EXT1: variants seen among roughly 807,000 people sequenced by gnomAD.
The protein encoded by EXT1 is exostosin-1.
In EXT1, 20 loss-of-function variants were observed where a neutral mutation model predicts 82.5. The observed-to-expected ratio is 0.24, with a 90% confidence interval of 0.17 to 0.35. The LOEUF is 0.35. Ranked by LOEUF, EXT1 falls within the 10% of genes least tolerant of loss-of-function variation. The probability of loss-of-function intolerance (pLI) is 1.00; values close to 1 mark genes in which losing one functional copy is unlikely to be tolerated. For synonymous variants in EXT1, 348 were observed against 350.8 expected, an observed-to-expected ratio of 0.99 and a Z score of 0.09; for missense variants, 757 against 936.5, an observed-to-expected ratio of 0.81 and a Z score of 2.50.
chr8:117,969,339 G>A (rs1814892594), intron 1 of EXT1, among the ~76,000 whole-genome samples: 1 of 152,108 alleles, frequency 6.6e-6, no homozygotes, highest in Admixed American at 6.5e-5. Flanking sequence ...AGTTTTCCAG[G>A]GCAATCTCTT....
chr8:117,848,564 T>C (rs1812403168), intron 1 of EXT1, among the ~76,000 whole-genome samples: 1 of 152,146 alleles, frequency 6.6e-6, no homozygotes, highest in Admixed American at 6.5e-5. Context: ...GATGCCTTCA[T>C]GCCCTGATAT....
chr8:117,838,783 C>A (rs188615721), intron 1 of EXT1, among the ~76,000 whole-genome samples: 25 of 152,186 alleles, frequency 1.6e-4, no homozygotes, highest in African/African-American at 5.8e-4. Context: ...TATGCACACA[C>A]ACACACACTC....
intron 1 of EXT1, among the ~76,000 whole-genome samples, chr8:118,076,542 C>A (rs944977737): frequency 6.6e-6 from 1 of 152,224 alleles, no homozygotes; most frequent in African/African-American, 2.4e-5. Context: ...TCCTCAAAGG[C>A]CTTGAAGGCC....
intron 1 of EXT1, among the ~76,000 whole-genome samples, chr8:117,908,513 C>T (rs1286669586): frequency 6.6e-6 from 1 of 151,710 alleles, no homozygotes; most frequent in Non-Finnish European, 1.5e-5. Context: ...GCCTGTAGTC[C>T]CAGCTACTCA....
In EXT1 at chr8:117,799,720, G is replaced by A. The variant is rs756691505; in HGVS notation, c.2233C>T (p.Arg745Ter). The A allele has an allele frequency of 1.2e-6, 2 of 1,613,910 alleles. No individual in the cohort carries two copies. Among genetic ancestry groups the A allele is most frequent in the Non-Finnish European group, 1.7e-6 (2 of 1,179,986 alleles). The change falls in exon 11 of 11, where the codon CGA becomes TGA. Residue 745 changes from arginine (R) to a stop codon, truncating the protein, a stop_gained. Transcript: ENST00000378204. LOFTEE classifies it high-confidence loss of function. ...ILRKKYRDIE[R>*]L ...CCACTCAGCCGGATTCCTCAAAGTC[G>A]CTCAATGTCTCGGTATTTCTTCCTC...
intron 1 of EXT1, among the ~76,000 whole-genome samples, chr8:118,028,119 C>G (rs1424874475): frequency 6.6e-6 from 1 of 152,076 alleles, no homozygotes; most frequent in African/African-American, 2.4e-5. Context: ...CCCTAAAGGC[C>G]CTTGTGTTGA....
chr8:117,992,789 A>G (rs893321525), intron 1 of EXT1, among the ~76,000 whole-genome samples: 2 of 152,220 alleles, frequency 1.3e-5, no homozygotes, highest in Non-Finnish European at 2.9e-5. Context: ...AGGTGGCTGG[A>G]AGAACCTTCC....
intron 1 of EXT1, among the ~76,000 whole-genome samples, chr8:117,984,096 A>G (rs1006420177): frequency 2.6e-5 from 4 of 152,224 alleles, no homozygotes; most frequent in African/African-American, 9.6e-5. Flanking sequence ...GGAAAGACAA[A>G]TGACAACCCA....
chr8:117,880,319 G>C (rs1813038221), intron 1 of EXT1, among the ~76,000 whole-genome samples: 2 of 152,136 alleles, frequency 1.3e-5, no homozygotes, highest in African/African-American at 4.8e-5. Context: ...AATTCACCAG[G>C]TTTATGAACT....
intron 1 of EXT1, among the ~76,000 whole-genome samples, chr8:117,881,146 G>A (rs886479163): frequency 6.6e-6 from 1 of 152,064 alleles, no homozygotes; most frequent in Non-Finnish European, 1.5e-5. Flanking sequence ...TTCATGCATT[G>A]CCTGTTTTCA....
chr8:118,098,084 T>C lies in EXT1; in HGVS notation c.962+12001A>G, dbSNP rs17506343. On this transcript the variant is annotated intron_variant, in intron 1 of 10. Transcript: ENST00000378204. ...GAAGGCAGGCAGAGCTTGCCTGCCT[T>C]AGTAACATGTGAATTAACTATGAGA... is the stretch of plus-strand genomic sequence containing the variant. Among the ~76,000 whole-genome samples, 992 of 152,040 alleles carry C rather than the reference T, an allele frequency of 6.5e-3. 11 individuals are homozygous for C. The highest frequency in any genetic ancestry group is 0.023 in the African/African-American group (944 of 41,452).
chr8:118,033,367 A>T (rs574888849), intron 1 of EXT1, among the ~76,000 whole-genome samples: 2 of 152,304 alleles, frequency 1.3e-5, no homozygotes, highest in East Asian at 1.9e-4. Flanking sequence ...AAATGTACAT[A>T]CTGTGTTCAG....
intron 4 of EXT1, among the ~76,000 whole-genome samples, chr8:117,829,791 G>A (rs1812068143): frequency 6.6e-6 from 1 of 151,820 alleles, no homozygotes; most frequent in Admixed American, 6.6e-5. Context: ...GCCAGGTCTT[G>A]AACTCCTGAA....
intron 1 of EXT1, among the ~76,000 whole-genome samples, chr8:117,975,682 C>T (rs113907101): frequency 1.4e-4 from 22 of 152,226 alleles, no homozygotes; most frequent in Non-Finnish European, 2.8e-4. Context: ...CATTTTCTGC[C>T]CCCACCACCA....
intron 1 of EXT1, among the ~76,000 whole-genome samples, chr8:117,874,586 A>AAAAAAAAAAAAAAAAAC (rs1812934342): frequency 6.6e-6 from 1 of 150,840 alleles, no homozygotes; most frequent in African/African-American, 2.4e-5. Context: ...AAAAAAAAAA[A>AAAAAAAAAAAAAAAAAC]AAAAAAAGAA....
chr8:117,861,279 A>T (rs1178225958), intron 1 of EXT1, among the ~76,000 whole-genome samples: 1 of 152,204 alleles, frequency 6.6e-6, no homozygotes, highest in Admixed American at 6.5e-5. Flanking sequence ...AATTTACACA[A>T]GGCATTCAGA....
intron 1 of EXT1, among the ~76,000 whole-genome samples, chr8:118,074,115 G>A (rs1020678249): frequency 6.6e-5 from 10 of 151,392 alleles, no homozygotes; most frequent in African/African-American, 1.2e-4. Flanking sequence ...GGTGAGGTAT[G>A]ACAGAAATGG....
At chr8:117,986,182 C>CTTTTA (rs1815312491) in intron 1 of EXT1, among the ~76,000 whole-genome samples, 2 of 59,680 alleles carry the variant, frequency 3.4e-5, no homozygotes, top group East Asian at 3.6e-4. Context: ...CTTAACTATT[C>CTTTTA]TTTTCTTTTT....
intron 1 of EXT1, among the ~76,000 whole-genome samples, chr8:118,102,863 AG>A (rs1817745578): frequency 6.6e-6 from 1 of 152,150 alleles, no homozygotes; most frequent in African/African-American, 2.4e-5. Context: ...TTTCTTTGAA[AG>A]ACAAGGTCGG....
Sources: gnomAD v4.1 joint callset for allele counts (sites outside exome capture counted in the v4.1 genomes callset) on GRCh38, gnomAD v4.1.1 for gene constraint, MANE v1.5 for transcripts, NCBI Gene and HGNC (gene_info 2026-07-23, HGNC 2026-07-21) for gene names.